MPZL2: variants seen among roughly 807,000 people sequenced by gnomAD.
MPZL2 encodes myelin protein zero like 2.
Under a neutral mutation model 24.5 loss-of-function variants are expected in MPZL2, and 32 were observed. The observed-to-expected ratio is 1.31, with a 90% CI of 0.99 to 1.76. The LOEUF (loss-of-function observed/expected upper bound fraction) is 1.76, where lower values mean the gene tolerates loss of function less well. MPZL2 is among the 40% of genes most tolerant of loss of function. The pLI, the probability that MPZL2 is intolerant of heterozygous loss-of-function variation, is 0.00. For missense variants in MPZL2, 304 were observed against 274.9 expected, an observed-to-expected ratio of 1.11 and a Z score of -0.75; for synonymous variants, 92 against 97.9, an observed-to-expected ratio of 0.94 and a Z score of 0.36.
Position 118,264,264 on chromosome 11 carries a change from AG to A in MPZL2, c.-112del. Reference sequence around the variant, plus strand: ...AGCACCGCGTTTTCCCAGAGAGAGGAGTTTGAGTTGAGTTCCTCACCTGTGC... The same window carrying A: ...AGCACCGCGTTTTCCCAGAGAGAGGATTTGAGTTGAGTTCCTCACCTGTGC... On this transcript the variant is annotated 5_prime_UTR_variant, in exon 1 of 6. Transcript: ENST00000278937. The A allele has an allele frequency of 9.6e-7, 1 of 1,039,002 alleles. No homozygotes were observed. Among genetic ancestry groups the A allele is most frequent in the Non-Finnish European group, 1.5e-6 (1 of 672,442 alleles). 64.4% of individuals were successfully genotyped at this position (1,039,002 alleles called of 1,614,324 possible). A position where few individuals can be genotyped will look rare whatever the true frequency, so the allele number is the denominator to read the frequency against.
Position 118,262,444 on chromosome 11 carries a change from G to A in MPZL2, c.430C>T (p.His144Tyr). The change falls in exon 3 of 6, where the codon CAC becomes TAC. Residue 144 changes from histidine to tyrosine, a missense_variant. Transcript: ENST00000278937. The part of the protein sequence containing the change: ...VIGEIRLSVV[H>Y]TVRFSEIHFL... ...TGTTCCCTGCATAACCTACCAGTGT[G>A]CACGACGCTGAGCCGGATCTCCCCT... The A allele has an allele frequency of 6.2e-7, 1 of 1,613,686 alleles. No individual in the cohort carries two copies. The highest frequency in any genetic ancestry group is 8.5e-7 in the Non-Finnish European group (1 of 1,179,982).
At chr11:118,259,154 A>G (rs1949681822) in intron 4 of MPZL2, 1 of 152,060 alleles carries the variant, frequency 6.6e-6, no homozygotes, top group Admixed American at 6.5e-5. Context: ...TTACCATAAG[A>G]CCCAACAATT....
intron 4 of MPZL2, 184 bp downstream of exon 4, chr11:118,259,870 A>C (rs1342564505): frequency 1.6e-6 from 1 of 634,296 alleles, no homozygotes; most frequent in East Asian, 2.9e-5. Flanking sequence ...TATTTTGTAA[A>C]ATTAAGAAAG....
chr11:118,255,248 A>C lies in MPZL2; in HGVS notation c.*13-15T>G, dbSNP rs941018370. On this transcript the variant is annotated splice_polypyrimidine_tract_variant and intron_variant, in intron 5 of 5. Transcript: ENST00000278937. Reference sequence around the variant, plus strand: ...ATCTCAGCTTCCTAAAACACAAAACAAAAGTTTAAATGGATAATATATTTG... The same window carrying C: ...ATCTCAGCTTCCTAAAACACAAAACCAAAGTTTAAATGGATAATATATTTG... 5.3e-5 allele frequency: 8 copies of C among 152,232 alleles called. No individual in the cohort carries two copies. The highest frequency in any genetic ancestry group is 4.6e-4 in the Admixed American group (7 of 15,278). The allele number at this position is 152,232 out of a possible 1,614,324, so 9.4% of individuals were successfully genotyped here.
chr11:118,262,911 AATG>A lies in MPZL2; in HGVS notation c.225+17_225+19del. 6.2e-7 allele frequency: 1 copy of A among 1,610,572 alleles called. No homozygotes were observed. Among genetic ancestry groups the A allele is most frequent in the South Asian group, 1.1e-5 (1 of 90,552 alleles). On this transcript the variant is annotated intron_variant, in intron 2 of 5. Coordinates refer to ENST00000278937, the MANE Select transcript of MPZL2 (RefSeq NM_005797.4). ...TTCCCTAAACAAGAGTACCCTGGAA[AATG>A]ATGATAATCTACTTACAAACTGCTC...
intron 3 of MPZL2, 94 bp from the exon 4 acceptor site, chr11:118,260,295 G>A (rs1949691510): frequency 7.7e-7 from 1 of 1,293,742 alleles, no homozygotes; most frequent in Non-Finnish European, 1.1e-6. Context: ...ATCAATAGAT[G>A]GAATCTTCCT....
intron 5 of MPZL2, among the ~76,000 whole-genome samples, chr11:118,255,892 CTAT>C (rs1173115428): frequency 6.6e-6 from 1 of 152,194 alleles, no homozygotes; most frequent in Non-Finnish European, 1.5e-5. Context: ...CTTGTTCACA[CTAT>C]TATTCATCCA....
At chr11:118,263,846 T>C (rs1949720422) in intron 1 of MPZL2, among the ~76,000 whole-genome samples, 1 of 152,126 alleles carries the variant, frequency 6.6e-6, no homozygotes, top group Admixed American at 6.5e-5. Flanking sequence ...AAATGGCATG[T>C]AACCTGAGAT....
rs1185942202 is a variant in MPZL2 at position 118,258,965 on chromosome 11, GT to G, written c.584+1088del. 2.0e-5 allele frequency among the ~76,000 whole-genome samples: 3 copies of G among 148,820 alleles called. No homozygotes were observed. In the East Asian group the frequency reaches 6.0e-4, roughly 30 times the overall value. On this transcript the variant is annotated intron_variant, in intron 4 of 5. Transcript: ENST00000278937. Reference sequence around the variant, plus strand: ...CTTTATAAATTACCCAGTCTTAGGGGTTTTTTTATATAGCAACACAAGAATG... The same window carrying G: ...CTTTATAAATTACCCAGTCTTAGGGGTTTTTTATATAGCAACACAAGAATG...
chr11:118,259,979 A>C, intron 4 of MPZL2, 75 bp downstream of exon 4: 1 of 1,518,912 alleles, frequency 6.6e-7, no homozygotes, highest in Non-Finnish European at 9.0e-7. Context: ...CTGTTCAGCA[A>C]CTATTTAGCC....
In MPZL2 at chr11:118,260,177, A is replaced by G. The variant is rs1283721286; in HGVS notation, c.461T>C (p.Leu154Pro). Residue 154 changes from leucine to proline, a missense_variant, in exon 4 of 6, where the codon CTG becomes CCG. Transcript: ENST00000278937. ...HTVRFSEIHF[L>P]ALAIGSACAL... is the part of the protein sequence containing the mutation. ...ACAGGCAGAGCCAATGGCCAGAGCC[A>G]GGAAGTGGATCTCAGAGAAGCGTAC... 6.2e-7 allele frequency: 1 copy of G among 1,614,128 alleles called. No homozygotes were observed. The highest frequency in any genetic ancestry group is 8.5e-7 in the Non-Finnish European group (1 of 1,179,966).
At chr11:118,258,414 T>TA (rs1459969670) in intron 4 of MPZL2, among the ~76,000 whole-genome samples, 1 of 152,150 alleles carries the variant, frequency 6.6e-6, no homozygotes, top group Non-Finnish European at 1.5e-5. Flanking sequence ...AAATAACTCT[T>TA]ACAGTTCAAC....
In MPZL2 at chr11:118,254,954, A is replaced by G. The variant is rs1215384819; in HGVS notation, c.*292T>C. On this transcript the variant is annotated 3_prime_UTR_variant, in exon 6 of 6. Coordinates refer to ENST00000278937, the MANE Select transcript of MPZL2 (RefSeq NM_005797.4). ...GTATACAAGTCATAACACTGTAAGTAGTGTCTTAAGGGCAAAAATGTAGCT... is the reference window on the plus strand; with the variant it reads ...GTATACAAGTCATAACACTGTAAGTGGTGTCTTAAGGGCAAAAATGTAGCT... The G allele has an allele frequency of 1.3e-5, 2 of 152,220 alleles. No homozygotes were observed. Among genetic ancestry groups the G allele is most frequent in the Admixed American group, 6.5e-5 (1 of 15,286 alleles). The allele number at this position is 152,220 out of a possible 1,614,324, so 9.4% of individuals were successfully genotyped here.
rs1949690936 is a variant in MPZL2, at chr11:118,260,208, G to C, written c.437-7C>G. 6.2e-7 allele frequency: 1 copy of C among 1,608,364 alleles called. No homozygotes were observed. The highest frequency in any genetic ancestry group is 1.3e-5 in the African/African-American group (1 of 74,494). On this transcript the variant is annotated splice_region_variant and splice_polypyrimidine_tract_variant and intron_variant, in intron 3 of 5. Transcript: ENST00000278937. ...TGGATCTCAGAGAAGCGTACTGTAAGGAGAAAAAGATTAAATTAGGATTCT... is the reference window on the plus strand; with the variant it reads ...TGGATCTCAGAGAAGCGTACTGTAACGAGAAAAAGATTAAATTAGGATTCT...
intron 4 of MPZL2, 196 bp from the exon 5 acceptor site, chr11:118,257,509 T>G (rs1949669180): frequency 6.7e-6 from 3 of 448,572 alleles, no homozygotes; most frequent in Non-Finnish European, 7.9e-6. Flanking sequence ...ACTTAGAGAC[T>G]TTTCAGAATG....
At position 118,254,228 on chromosome 11, in the gene MPZL2, A is replaced by T. The variant is rs1031334964; in HGVS notation, c.*1018T>A. 2 of 152,220 alleles carry T rather than the reference A, an allele frequency of 1.3e-5. No individual in the cohort carries two copies. The highest frequency in any genetic ancestry group is 4.8e-5 in the African/African-American group (2 of 41,466). 9.4% of individuals were successfully genotyped at this position (152,220 alleles called of 1,614,324 possible). A position where few individuals can be genotyped will look rare whatever the true frequency, so the allele number is the denominator to read the frequency against. On this transcript the variant is annotated 3_prime_UTR_variant, in exon 6 of 6. Transcript: ENST00000278937. ...CAAAATAAACAAGTGAATTAGAATT[A>T]AAAAAGAAAAAAAGTTAATAATTTC...
chr11:118,261,969 C>T (rs943029712), intron 3 of MPZL2, among the ~76,000 whole-genome samples: 13 of 152,184 alleles, frequency 8.5e-5, no homozygotes, highest in Non-Finnish European at 1.3e-4. Flanking sequence ...AAGCCCCTGA[C>T]ATTTGGGAAG....
intron 3 of MPZL2, among the ~76,000 whole-genome samples, chr11:118,261,124 G>A (rs1029974358): frequency 1.3e-5 from 2 of 152,140 alleles, no homozygotes; most frequent in Admixed American, 6.5e-5. Flanking sequence ...CTGATTTTTT[G>A]TGTGTTTAAC....
At chr11:118,262,819 G>A (rs1259668960) in intron 2 of MPZL2, 112 bp downstream of exon 2, 7 of 1,433,048 alleles carry the variant, frequency 4.9e-6, no homozygotes, top group South Asian at 2.5e-5. Flanking sequence ...TTGTTTCCGA[G>A]CTTAACCTTG....
Sources: allele counts gnomAD v4.1 joint callset (sites outside exome capture counted in the v4.1 genomes callset), GRCh38; gene constraint gnomAD v4.1.1; transcripts MANE v1.5; gene names NCBI Gene and HGNC (gene_info 2026-07-23, HGNC 2026-07-21).